ZNF385D: variants seen among roughly 807,000 people sequenced by gnomAD.
The protein encoded by ZNF385D is zinc finger protein 385D, also known as zinc finger protein 659.
In ZNF385D, 15 loss-of-function variants were observed where a neutral mutation model predicts 35.8. The observed-to-expected ratio is 0.42, with a 90% confidence interval of 0.28 to 0.64. The LOEUF is 0.64. ZNF385D is among the 30% of genes least tolerant of loss of function. The pLI is 0.23. For missense variants in ZNF385D, 474 were observed against 494.6 expected (o/e 0.96, Z 0.39); for synonymous variants, 212 against 186.8 (o/e 1.13, Z -1.10).
At position 22,285,679 on chromosome 3, in the gene ZNF385D, C is replaced by T. The variant is rs1413023070; in HGVS notation, c.106+86771G>A. 7.9e-5 allele frequency among the ~76,000 whole-genome samples: 12 copies of T among 152,056 alleles called. 1 individual carries two copies. ...GTATATCTCCTAATGCTCTCCCTCC[C>T]CCCTCTCCCCACCCCACAGCAGTCG... is the stretch of plus-strand genomic sequence containing the variant. On this transcript the variant is annotated intron_variant, in intron 2 of 5. Transcript: ENST00000494108.
At chr3:21,777,225 C>T (rs2071322898) in intron 3 of ZNF385D, among the ~76,000 whole-genome samples, 1 of 151,902 alleles carries the variant, frequency 6.6e-6, no homozygotes, top group South Asian at 2.1e-4. Context: ...TTGATAAATC[C>T]ACTCTGACTC....
At chr3:21,601,745 A>G (rs1346307420) in intron 2 of ZNF385D, among the ~76,000 whole-genome samples, 1 of 152,196 alleles carries the variant, frequency 6.6e-6, no homozygotes, top group Non-Finnish European at 1.5e-5. Context: ...TGATAAAGAC[A>G]TCGTCACCCT....
intron 1 of ZNF385D, among the ~76,000 whole-genome samples, chr3:21,670,441 A>T (rs1369749425): frequency 6.6e-6 from 1 of 151,870 alleles, no homozygotes; most frequent in African/African-American, 2.4e-5. Flanking sequence ...TAAGCAACTA[A>T]TTTGACATAC....
intron 4 of ZNF385D, among the ~76,000 whole-genome samples, chr3:21,461,365 C>T (rs546436409): frequency 6.6e-6 from 1 of 152,152 alleles, no homozygotes; most frequent in African/African-American, 2.4e-5. Context: ...CTAGCCAACA[C>T]AGTGAAACCC....
At chr3:21,433,699 A>G (rs1266043298) in intron 5 of ZNF385D, among the ~76,000 whole-genome samples, 1 of 152,232 alleles carries the variant, frequency 6.6e-6, no homozygotes, top group African/African-American at 2.4e-5. Context: ...TAAACGGCCT[A>G]GGCAAACTAC....
chr3:21,669,974 CGTCA>C lies in ZNF385D; in HGVS notation c.23-4950_23-4947del, dbSNP rs376831311. Among the ~76,000 whole-genome samples the C allele has an allele frequency of 4.0e-4, 61 of 152,256 alleles. 2 individuals carry two copies. The East Asian group carries it at 0.011, about 28-fold the overall frequency. ...TTCTGCACTCAATCCATTCAGCATTCGTCAGTCACAGACATCCTGCCTGACAACT... is the reference window on the plus strand; with the variant it reads ...TTCTGCACTCAATCCATTCAGCATTCGTCACAGACATCCTGCCTGACAACT... On this transcript the variant is annotated intron_variant, in intron 1 of 7. Coordinates refer to ENST00000281523, the MANE Select transcript of ZNF385D (RefSeq NM_024697.3).
intron 3 of ZNF385D, among the ~76,000 whole-genome samples, chr3:22,003,079 A>G (rs966067538): frequency 8.5e-5 from 13 of 152,216 alleles, no homozygotes; most frequent in African/African-American, 1.4e-4. Context: ...AGCCAGAGCA[A>G]TCAGTCAAGA....
chr3:21,761,117 A>T (rs1247721811), intron 3 of ZNF385D, among the ~76,000 whole-genome samples: 2 of 152,160 alleles, frequency 1.3e-5, no homozygotes, highest in African/African-American at 4.8e-5. Flanking sequence ...TGAAAACTCC[A>T]GCCAAAGCCA....
At chr3:22,082,489 T>C (rs1174766979) in intron 3 of ZNF385D, among the ~76,000 whole-genome samples, 1 of 152,140 alleles carries the variant, frequency 6.6e-6, no homozygotes, top group Non-Finnish European at 1.5e-5. Context: ...GGCGGCAGCC[T>C]ATCTGGGGGA....
Position 21,425,546 on chromosome 3 carries a change from T to C in ZNF385D, c.798A>G (p.Thr266=), listed in dbSNP as rs1273780686. The C allele has an allele frequency of 2.4e-5, 38 of 1,611,382 alleles. No homozygotes were observed. The highest frequency in any genetic ancestry group is 3.2e-5 in the Non-Finnish European group (38 of 1,178,782). The change falls in exon 6 of 8, where the codon ACA becomes ACG. Residue 266 remains threonine (T), a synonymous_variant. Coordinates refer to ENST00000281523, the MANE Select transcript of ZNF385D (RefSeq NM_024697.3). The stretch of plus-strand genomic sequence containing the variant: ...GCACATCACAGATTTCACAGTGAAA[T>C]GTTTTATTTTGGAGGCCTGTGTTTC... ...NKGNTGLQNK[T]FHCEICDVHV...
At chr3:22,044,378 T>G (rs535501726) in intron 3 of ZNF385D, among the ~76,000 whole-genome samples, 2 of 152,220 alleles carry the variant, frequency 1.3e-5, no homozygotes, top group South Asian at 4.1e-4. Flanking sequence ...CATCCCAAAC[T>G]GGCCTAGATC....
rs539157252 is a variant in ZNF385D at position 21,419,068 on chromosome 3, T to C, written c.*2146A>G. 6 of 152,290 alleles carry C rather than the reference T, an allele frequency of 3.9e-5. No individual in the cohort carries two copies. Among genetic ancestry groups the C allele is most frequent in the Non-Finnish European group, 7.3e-5 (5 of 68,040 alleles). 9.4% of individuals were successfully genotyped at this position (152,290 alleles called of 1,614,324 possible). ...CAAATTTTAATGCTAATCAATATAT[T>C]TAACCAGAGAAGCATGGTTTGAAAT... is the stretch of plus-strand genomic sequence containing the variant. On this transcript the variant is annotated 3_prime_UTR_variant, in exon 8 of 8. Coordinates refer to ENST00000281523, the MANE Select transcript of ZNF385D (RefSeq NM_024697.3).
At chr3:22,022,826 G>C (rs959262742) in intron 3 of ZNF385D, among the ~76,000 whole-genome samples, 1 of 152,110 alleles carries the variant, frequency 6.6e-6, no homozygotes, top group African/African-American at 2.4e-5. Context: ...ATGCAAAATA[G>C]TTACCAGGAA....
chr3:21,844,008 G>A (rs771277732), intron 3 of ZNF385D, among the ~76,000 whole-genome samples: 11 of 151,890 alleles, frequency 7.2e-5, no homozygotes, highest in East Asian at 1.9e-4. Context: ...CAAGTAATGC[G>A]TCACACAAAA....
At chr3:22,137,504 AG>A (rs1268225019) in intron 3 of ZNF385D, among the ~76,000 whole-genome samples, 3 of 152,204 alleles carry the variant, frequency 2.0e-5, no homozygotes, top group African/African-American at 7.2e-5. Flanking sequence ...CTGGGATGCA[AG>A]GCTGGTTCAA....
chr3:21,724,438 T>G (rs1432514657), intron 1 of ZNF385D, among the ~76,000 whole-genome samples: 2 of 82,468 alleles, frequency 2.4e-5, no homozygotes, highest in African/African-American at 4.8e-5. Context: ...AGGCTCAAAA[T>G]AAAGGGATGC....
At chr3:21,823,006 A>G (rs570554512) in intron 3 of ZNF385D, among the ~76,000 whole-genome samples, 6 of 152,298 alleles carry the variant, frequency 3.9e-5, no homozygotes, top group Non-Finnish European at 8.8e-5. Context: ...CAAAGATGCA[A>G]TCAAAACAGT....
At chr3:22,097,815 G>A (rs893003065) in intron 3 of ZNF385D, among the ~76,000 whole-genome samples, 1 of 152,024 alleles carries the variant, frequency 6.6e-6, no homozygotes, top group African/African-American at 2.4e-5. Context: ...TTTCTGTCTA[G>A]ATACCCCTTA....
chr3:21,505,355 G>C (rs879850035), intron 4 of ZNF385D, among the ~76,000 whole-genome samples: 19 of 150,830 alleles, frequency 1.3e-4, no homozygotes, highest in Admixed American at 1.1e-3. Flanking sequence ...TGTTCAAATA[G>C]AGACCATAAG....
Sources: allele counts gnomAD v4.1 joint callset (sites outside exome capture counted in the v4.1 genomes callset), GRCh38; gene constraint gnomAD v4.1.1; transcripts MANE v1.5; gene names NCBI Gene and HGNC (gene_info 2026-07-23, HGNC 2026-07-21).